CTBP2: variants seen among roughly 807,000 people sequenced by gnomAD.
CTBP2 encodes the protein C-terminal-binding protein 2.
CTBP2 carries 30 observed loss-of-function variants against 80.3 expected under a neutral mutation model. The observed-to-expected ratio is 0.37, with a 90% CI of 0.28 to 0.51. The LOEUF (loss-of-function observed/expected upper bound fraction) is 0.51. Ranked by LOEUF, CTBP2 falls within the 20% of genes least tolerant of loss-of-function variation. The probability of loss-of-function intolerance (pLI) is 0.93; values close to 1 mark genes in which losing one functional copy is unlikely to be tolerated. For synonymous variants in CTBP2, 594 were observed against 587.4 expected, an observed-to-expected ratio of 1.01 and a Z score of -0.16; for missense variants, 1,212 against 1,375.3, an observed-to-expected ratio of 0.88 and a Z score of 1.88.
At chr10:125,060,877 G>T (rs2135341650) in intron 2 of CTBP2, among the ~76,000 whole-genome samples, 1 of 152,300 alleles carries the variant, frequency 6.6e-6, no homozygotes, top group South Asian at 2.1e-4. Flanking sequence ...TGACCCGCGG[G>T]GGCTGGTGTG....
chr10:125,098,750 C>CAGAGAGAGAGAGAGAGAGAG (rs1265217140), intron 2 of CTBP2, among the ~76,000 whole-genome samples: 5 of 75,482 alleles, frequency 6.6e-5, no homozygotes, highest in East Asian at 4.0e-4. Flanking sequence ...GAGAGAGAGA[C>CAGAGAGAGAGAGAGAGAGAG]AGAGAGAGAG....
chr10:125,053,171 G>GC (rs1394317119), intron 2 of CTBP2, among the ~76,000 whole-genome samples: 2 of 152,202 alleles, frequency 1.3e-5, no homozygotes, highest in Admixed American at 6.5e-5. Context: ...AGCCAAGGCT[G>GC]CCCCTCAGGG....
chr10:125,057,731 G>GT (rs1380410691), intron 2 of CTBP2, among the ~76,000 whole-genome samples: 1 of 152,220 alleles, frequency 6.6e-6, no homozygotes, highest in Non-Finnish European at 1.5e-5. Context: ...AATAGGGCCT[G>GT]TTTCATTTGT....
At chr10:125,111,073 A>G (rs562313595) in exon 2 of CTBP2, 1 of 152,768 alleles carries the variant, frequency 6.5e-6, no homozygotes, top group African/African-American at 2.4e-5. Flanking sequence ...TTGGTTCAAA[A>G]CCATTTAAGG....
chr10:125,010,838 A>C (rs368587134), intron 1 of CTBP2, among the ~76,000 whole-genome samples: 5 of 152,156 alleles, frequency 3.3e-5, no homozygotes, highest in African/African-American at 9.6e-5. Context: ...CACCGTGTAC[A>C]TCCTTAGCAG....
chr10:125,044,950 A>T (rs1354741243), intron 2 of CTBP2, among the ~76,000 whole-genome samples: 4 of 152,222 alleles, frequency 2.6e-5, no homozygotes, highest in Admixed American at 2.6e-4. Context: ...GAAAATCAGG[A>T]TAGGAAATGA....
At chr10:125,131,079 A>T (rs1856098962) in intron 1 of CTBP2, among the ~76,000 whole-genome samples, 1 of 152,184 alleles carries the variant, frequency 6.6e-6, no homozygotes, top group African/African-American at 2.4e-5. Context: ...GATGCAGATG[A>T]GATGGCAGGG....
intron 2 of CTBP2, among the ~76,000 whole-genome samples, chr10:125,094,799 A>C (rs1359128600): frequency 2.0e-5 from 3 of 152,222 alleles, no homozygotes; most frequent in Admixed American, 1.3e-4. Context: ...AGGAATCGTA[A>C]GTTGAAGTCT....
At chr10:125,019,189 C>T (rs1034791311) in intron 1 of CTBP2, among the ~76,000 whole-genome samples, 11 of 152,132 alleles carry the variant, frequency 7.2e-5, no homozygotes, top group African/African-American at 2.7e-4. Context: ...ATGTAAAAAA[C>T]AACTAGAAAG....
intron 2 of CTBP2, among the ~76,000 whole-genome samples, chr10:125,059,020 A>C (rs947374702): frequency 6.6e-5 from 10 of 152,132 alleles, no homozygotes; most frequent in African/African-American, 2.4e-4. Context: ...AGATTTCCTT[A>C]CCACTAGGAT....
chr10:125,027,473 T>G lies in CTBP2; in HGVS notation c.287A>C (p.Gln96Pro). The G allele has an allele frequency of 1.9e-6, 3 of 1,614,150 alleles. No homozygotes were observed. Among genetic ancestry groups the G allele is most frequent in the Non-Finnish European group, 2.5e-6 (3 of 1,180,022 alleles). The change falls in exon 1 of 9, where the codon CAG becomes CCG. Residue 96 changes from glutamine (Q) to proline (P), a missense_variant. Transcript: ENST00000309035. ...GGGGCTGCGACCAGACATCACTGCC[T>G]GTCTGCTGTCGTAGAAGGTGAAGTC...
rs1331954974 is a variant in CTBP2, at chr10:125,026,227, G to A, written c.1533C>T (p.Val511=). 2.0e-5 allele frequency: 32 copies of A among 1,613,602 alleles called. No individual in the cohort carries two copies. The highest frequency in any genetic ancestry group is 2.7e-5 in the Non-Finnish European group (32 of 1,179,940). Residue 511 remains valine (V), a synonymous_variant, in exon 1 of 9, where the codon GTC becomes GTT. Coordinates refer to ENST00000309035, the MANE Select transcript of CTBP2 (RefSeq NM_022802.3). ...CCAGGGGTGCACCTGGCTTCCGCAA[G>A]ACCTGGGGGCTGCCGTGAGGGCTGG...
intron 2 of CTBP2, among the ~76,000 whole-genome samples, chr10:125,067,035 A>AC (rs1347986892): frequency 1.3e-5 from 2 of 151,726 alleles, no homozygotes; most frequent in South Asian, 2.1e-4. Flanking sequence ...ACAACCAGAC[A>AC]CCCCCCACGT....
intron 1 of CTBP2, among the ~76,000 whole-genome samples, chr10:125,117,513 A>G (rs1397908669): frequency 2.0e-5 from 3 of 152,192 alleles, no homozygotes; most frequent in Non-Finnish European, 4.4e-5. Context: ...GCCTTTAAGG[A>G]CAAACCCACC....
At chr10:125,018,094 C>T (rs934657195) in intron 1 of CTBP2, among the ~76,000 whole-genome samples, 3 of 152,224 alleles carry the variant, frequency 2.0e-5, no homozygotes, top group Non-Finnish European at 2.9e-5. Context: ...GCTAATGCAC[C>T]GTGCCTGAGG....
chr10:125,026,218 C>G lies in CTBP2; in HGVS notation c.1542G>C (p.Lys514Asn). 6.2e-7 allele frequency: 1 copy of G among 1,613,572 alleles called. No individual in the cohort carries two copies. The highest frequency in any genetic ancestry group is 8.5e-7 in the Non-Finnish European group (1 of 1,179,870). ...TGGATGGCCCCAGGGGTGCACCTGG[C>G]TTCCGCAAGACCTGGGGGCTGCCGT... Residue 514 changes from lysine (K) to asparagine (N), a missense_variant, in exon 1 of 9, where the codon AAG (lysine) becomes AAC (asparagine). By Grantham distance (94) the Lys-to-Asn change is moderately conservative (BLOSUM62 0). Transcript: ENST00000309035.
chr10:125,020,573 T>C (rs1159162138), intron 1 of CTBP2, among the ~76,000 whole-genome samples: 1 of 152,128 alleles, frequency 6.6e-6, no homozygotes, highest in Non-Finnish European at 1.5e-5. Context: ...TTGGCTGACA[T>C]GGCCTCCCAT....
chr10:125,026,044 C>A (rs758325522), intron 1 of CTBP2: 6 of 1,533,780 alleles, frequency 3.9e-6, no homozygotes, highest in Admixed American at 2.0e-5. Flanking sequence ...CTGCTCCCCC[C>A]AGGTCCCCAG....
Position 125,027,967 on chromosome 10 carries a change from G to C in CTBP2, c.-208C>G. ...AAAACATAAGACTCACGGTAACTTT[G>C]CCTCACTCCCCAACGATAGCCAGAG... On this transcript the variant is annotated 5_prime_UTR_variant, in exon 1 of 9. Coordinates refer to ENST00000309035, the MANE Select transcript of CTBP2 (RefSeq NM_022802.3). 2 of 1,367,836 alleles carry C rather than the reference G, an allele frequency of 1.5e-6. No individual in the cohort carries two copies. Among genetic ancestry groups the C allele is most frequent in the Non-Finnish European group, 1.9e-6 (2 of 1,055,506 alleles). 84.7% of individuals were successfully genotyped at this position (1,367,836 alleles called of 1,614,324 possible). A position where few individuals can be genotyped will look rare whatever the true frequency, so the allele number is the denominator to read the frequency against.
Sources: gnomAD v4.1 joint callset for allele counts (sites outside exome capture counted in the v4.1 genomes callset) on GRCh38, gnomAD v4.1.1 for gene constraint, MANE v1.5 for transcripts, NCBI Gene and HGNC (gene_info 2026-07-23, HGNC 2026-07-21) for gene names.